Variants in KL observed in about 807,000 individuals in gnomAD.
KL encodes the protein alpha-klotho.
Under a neutral mutation model 84.2 loss-of-function variants are expected in KL, and 62 were observed. The observed-to-expected ratio is 0.74, with a 90% confidence interval of 0.60 to 0.91. The LOEUF (loss-of-function observed/expected upper bound fraction) is 0.91, where lower values mean the gene tolerates loss of function less well. Among genes scored for constraint, KL ranks in the 40% least tolerant of loss-of-function variants. KL has a pLI of 0.00. For synonymous variants in KL, 528 were observed against 528.0 expected, an observed-to-expected ratio of 1.00 and a Z score of 0.00; for missense variants, 1,261 against 1,305.7, an observed-to-expected ratio of 0.97 and a Z score of 0.53.
chr13:33,029,400 C>T (rs1003599865), intron 1 of KL, among the ~76,000 whole-genome samples: 7 of 152,128 alleles, frequency 4.6e-5, no homozygotes, highest in South Asian at 2.1e-4. Flanking sequence ...TAATAAGCAA[C>T]GAGTAAGTTT....
At chr13:33,039,132 C>G (rs1871247639) in intron 1 of KL, among the ~76,000 whole-genome samples, 1 of 152,114 alleles carries the variant, frequency 6.6e-6, no homozygotes, top group South Asian at 2.1e-4. Flanking sequence ...CTATCTATAG[C>G]TAACTATAGT....
At chr13:33,050,966 C>T (rs1424271130) in intron 1 of KL, among the ~76,000 whole-genome samples, 2 of 152,238 alleles carry the variant, frequency 1.3e-5, no homozygotes, top group Non-Finnish European at 2.9e-5. Flanking sequence ...AAACCTAAGT[C>T]TCTTCTACTC....
intron 1 of KL, among the ~76,000 whole-genome samples, chr13:33,049,906 AC>A (rs1324028694): frequency 1.3e-5 from 2 of 152,150 alleles, no homozygotes; most frequent in African/African-American, 2.4e-5. Flanking sequence ...GAATTATACC[AC>A]CCACAATCCT....
At chr13:33,051,688 A>G (rs1241024850) in intron 1 of KL, among the ~76,000 whole-genome samples, 2 of 152,206 alleles carry the variant, frequency 1.3e-5, no homozygotes, top group African/African-American at 4.8e-5. Flanking sequence ...AGAGTGGTCT[A>G]TAATTATAAA....
chr13:33,021,134 TG>T (rs1870561291), intron 1 of KL, among the ~76,000 whole-genome samples: 1 of 152,208 alleles, frequency 6.6e-6, no homozygotes, highest in African/African-American at 2.4e-5. Context: ...GCTCAGAAGG[TG>T]GCTTCTGGTT....
chr13:33,058,781 C>T (rs962099210), intron 3 of KL, among the ~76,000 whole-genome samples: 19 of 152,026 alleles, frequency 1.2e-4, no homozygotes, highest in African/African-American at 3.4e-4. Context: ...TTAGTCAACT[C>T]AGAGCTCTAT....
chr13:33,037,512 A>G (rs912839840), intron 1 of KL, among the ~76,000 whole-genome samples: 1 of 152,126 alleles, frequency 6.6e-6, no homozygotes, highest in Non-Finnish European at 1.5e-5. Flanking sequence ...GATTGAATTA[A>G]AGGCCCCAAT....
rs531433864 is a variant in KL, at chr13:33,060,805, G to T, written c.1726G>T (p.Ala576Ser). 1.4e-5 allele frequency: 22 copies of T among 1,614,112 alleles called. No homozygotes were observed. The highest frequency in any genetic ancestry group is 1.7e-5 in the Non-Finnish European group (20 of 1,180,054). The change falls in exon 4 of 5, where the codon GCT (alanine) becomes TCT (serine). Residue 576 changes from alanine to serine, a missense_variant. By Grantham distance (99) the Ala-to-Ser change is moderately conservative. Coordinates refer to ENST00000380099, the MANE Select transcript of KL (RefSeq NM_004795.4). ...GAGGAAATCCTACTGTGTTGACTTT[G>T]CTGCCATCCAGCCCCAGATCGCTTT... ...KKRKSYCVDF[A>S]AIQPQIALLQ...
intron 1 of KL, among the ~76,000 whole-genome samples, chr13:33,032,343 T>G (rs1871001521): frequency 6.6e-6 from 1 of 152,158 alleles, no homozygotes; most frequent in Non-Finnish European, 1.5e-5. Flanking sequence ...GGGTCAGGAT[T>G]AGGGGAGGGC....
At chr13:33,050,929 G>A (rs771285088) in intron 1 of KL, among the ~76,000 whole-genome samples, 2 of 152,158 alleles carry the variant, frequency 1.3e-5, no homozygotes, top group Admixed American at 1.3e-4. Context: ...GGCTCACACC[G>A]GTCATAGTTA....
In KL at chr13:33,061,094, T is replaced by A; in HGVS notation, c.2015T>A (p.Leu672Gln). The stretch of plus-strand genomic sequence containing the variant: ...CTGGCCTTTGCAGAGTATGCCCGAC[T>A]GTGCTTTCAAGAGCTCGGCCATCAC... ...TALAFAEYAR[L>Q]CFQELGHHVK... Residue 672 changes from leucine to glutamine, a missense_variant, in exon 4 of 5, where the codon CTG becomes CAG. By Grantham distance (113) the Leu-to-Gln change is moderately radical (BLOSUM62 -2). Coordinates refer to ENST00000380099, the MANE Select transcript of KL (RefSeq NM_004795.4). 1 of 1,613,882 alleles carries A rather than the reference T, an allele frequency of 6.2e-7. No homozygotes were observed. The highest frequency in any genetic ancestry group is 8.5e-7 in the Non-Finnish European group (1 of 1,179,810).
rs773014028 is a variant in KL, at chr13:33,016,935, C to A, written c.495C>A (p.Pro165=). ...TCCCCAATGGCAGCGCGGGCGTCCCCAACCGCGAGGGGCTGCGCTACTACC... is the reference window on the plus strand; with the variant it reads ...TCCCCAATGGCAGCGCGGGCGTCCCAAACCGCGAGGGGCTGCGCTACTACC... ...RVLPNGSAGV[P]NREGLRYYRR... Residue 165 remains proline, a synonymous_variant, in exon 1 of 5, where the codon CCC becomes CCA. Transcript: ENST00000380099. 1.2e-6 allele frequency: 2 copies of A among 1,609,026 alleles called. No homozygotes were observed. The highest frequency in any genetic ancestry group is 1.7e-4 in the Middle Eastern group (1 of 6,026).
intron 1 of KL, among the ~76,000 whole-genome samples, chr13:33,031,001 C>T (rs766711643): frequency 3.0e-4 from 46 of 151,996 alleles, no homozygotes; most frequent in Admixed American, 7.9e-4. Flanking sequence ...AATAGAAGTT[C>T]TGGAAAGAGA....
At chr13:33,051,008 G>A (rs9536310) in intron 1 of KL, among the ~76,000 whole-genome samples, 23,681 of 152,022 alleles carry the variant, frequency 0.16, 1,927 homozygotes, top group African/African-American at 0.18. Context: ...ATGTCACATC[G>A]CTACTGTGGG....
rs1430572004 is a variant in KL, at chr13:33,064,068, G to GT, written c.2928dup (p.His977SerfsTer83). On this transcript the variant is annotated frameshift_variant, in exon 5 of 5. Transcript: ENST00000380099. LOFTEE classifies it high-confidence loss of function. ...GAATTCACCGTGTGTACTGAGTGCA[G>GT]TTTTTTTCACACCCGAAAGTCTTTA... is the stretch of plus-strand genomic sequence containing the variant. 1.2e-6 allele frequency: 2 copies of GT among 1,614,108 alleles called. No individual in the cohort carries two copies. Among genetic ancestry groups the GT allele is most frequent in the East Asian group, 2.2e-5 (1 of 44,882 alleles).
rs564793707 is a variant in KL, at chr13:33,041,333, T to A, written c.820-12434T>A. Among the ~76,000 whole-genome samples the A allele has an allele frequency of 2.0e-5, 3 of 151,528 alleles. No homozygotes were observed. In the East Asian group the frequency reaches 5.9e-4, roughly 30 times the overall value. On this transcript the variant is annotated intron_variant, in intron 1 of 4. Coordinates refer to ENST00000380099, the MANE Select transcript of KL (RefSeq NM_004795.4). ...AATGGACATTTATGTTGTTTTCAGT[T>A]TTTTTGCTATTGTGATTAAAGCTAT... is the stretch of plus-strand genomic sequence containing the variant.
At chr13:33,043,270 C>T (rs563232146) in intron 1 of KL, among the ~76,000 whole-genome samples, 15 of 151,306 alleles carry the variant, frequency 9.9e-5, no homozygotes, top group African/African-American at 3.6e-4. Context: ...GTTGCCCAGG[C>T]ATACAATGGT....
chr13:33,062,408 C>T (rs1364219679), intron 4 of KL, among the ~76,000 whole-genome samples: 8 of 150,266 alleles, frequency 5.3e-5, no homozygotes, highest in Non-Finnish European at 8.9e-5. Context: ...CATGGTGGCT[C>T]ATGCCTGTAA....
At chr13:33,018,862 A>C (rs2138186559) in intron 1 of KL, among the ~76,000 whole-genome samples, 1 of 152,328 alleles carries the variant, frequency 6.6e-6, no homozygotes, top group Middle Eastern at 3.4e-3. Context: ...CAAAGTAGTC[A>C]ATTGTTATTA....
Sources: allele counts gnomAD v4.1 joint callset (sites outside exome capture counted in the v4.1 genomes callset), GRCh38; gene constraint gnomAD v4.1.1; transcripts MANE v1.5; gene names NCBI Gene and HGNC (gene_info 2026-07-23, HGNC 2026-07-21).